The following ENPP1 variants were observed in gnomAD, a reference collection of about 807,000 sequenced individuals.
ENPP1 encodes the protein ectonucleotide pyrophosphatase/phosphodiesterase 1, also known as ectonucleotide pyrophosphatase/phosphodiesterase family member 1.
ENPP1 carries 73 observed loss-of-function variants against 122.8 expected under a neutral mutation model. The observed-to-expected ratio is 0.59, with a 90% CI of 0.49 to 0.72. ENPP1 has a LOEUF of 0.72. Among genes scored for constraint, ENPP1 ranks in the 30% least tolerant of loss-of-function variants. The pLI, the probability that ENPP1 is intolerant of heterozygous loss-of-function variation, is 0.00. For missense variants in ENPP1, 978 were observed against 1,128.1 expected, an observed-to-expected ratio of 0.87 and a Z score of 1.91; for synonymous variants, 367 against 391.6, an observed-to-expected ratio of 0.94 and a Z score of 0.74.
chr6:131,890,225 C>T lies in ENPP1; in HGVS notation c.2608-116C>T, dbSNP rs9493118. On this transcript the variant is annotated intron_variant, in intron 24 of 24. Coordinates refer to ENST00000647893, the MANE Select transcript of ENPP1 (RefSeq NM_006208.3). ...ATGATGCCTAACAAATCATGTGGCA[C>T]GTTCCACTTCAGAGCTGAAATCTCG... is the stretch of plus-strand genomic sequence containing the variant. The T allele has an allele frequency of 0.064, 52,470 of 821,140 alleles. 3,616 individuals carry two copies. Among genetic ancestry groups the T allele is most frequent in the African/African-American group, 0.29 (17,539 of 59,486 alleles). 50.9% of individuals were successfully genotyped at this position (821,140 alleles called of 1,614,324 possible). A position where few individuals can be genotyped will look rare whatever the true frequency, so the allele number is the denominator to read the frequency against.
intron 24 of ENPP1, among the ~76,000 whole-genome samples, chr6:131,888,451 G>A (rs1758978522): frequency 6.6e-6 from 1 of 152,004 alleles, no homozygotes; most frequent in Non-Finnish European, 1.5e-5. Context: ...TTTATAATCA[G>A]GTGCTCTAGG....
At chr6:131,822,698 A>G (rs79513020) in intron 1 of ENPP1, among the ~76,000 whole-genome samples, 5,092 of 151,968 alleles carry the variant, frequency 0.034, 276 homozygotes, top group African/African-American at 0.11. Context: ...TGTACTTTTC[A>G]TAAGTAGGAT....
intron 5 of ENPP1, among the ~76,000 whole-genome samples, chr6:131,853,092 C>A (rs1239346673): frequency 6.6e-6 from 1 of 152,070 alleles, no homozygotes; most frequent in Non-Finnish European, 1.5e-5. Context: ...ATAGTTTTCC[C>A]AGACTATTAA....
intron 21 of ENPP1, 76 bp from the exon 22 acceptor site, chr6:131,883,618 C>T (rs1782340234): frequency 1.2e-6 from 1 of 800,266 alleles, no homozygotes; most frequent in Non-Finnish European, 2.2e-6. Flanking sequence ...TAAAAATGCT[C>T]CCCTAACCAT....
chr6:131,850,285 A>T (rs905472572), intron 3 of ENPP1, among the ~76,000 whole-genome samples, 179 bp downstream of exon 3: 4 of 152,164 alleles, frequency 2.6e-5, no homozygotes, highest in Non-Finnish European at 1.5e-5. Context: ...AGAGAAAAAA[A>T]TTTACAGAAT....
chr6:131,847,787 A>G lies in ENPP1; in HGVS notation c.252A>G (p.Val84=), dbSNP rs1362242066. The change falls in exon 2 of 25, where the codon GTA becomes GTG. Residue 84 remains valine, a synonymous_variant. Transcript: ENST00000647893. ...TYKVLSLVLS[V]CVLTTILGCI... ...TTTTCTCCCTACAGGTATTGTCAGT[A>G]TGTGTGTTAACAACAATACTTGGTT... 1 of 1,609,138 alleles carries G rather than the reference A, an allele frequency of 6.2e-7. No homozygotes were observed. The highest frequency in any genetic ancestry group is 1.7e-5 in the Admixed American group (1 of 60,002).
intron 20 of ENPP1, among the ~76,000 whole-genome samples, chr6:131,881,086 A>C (rs1782299303): frequency 6.6e-6 from 1 of 152,188 alleles, no homozygotes; most frequent in Non-Finnish European, 1.5e-5. Flanking sequence ...AGGATGCCCT[A>C]AGGGAACGAC....
intron 11 of ENPP1, among the ~76,000 whole-genome samples, chr6:131,867,209 A>ACT (rs1396534150): frequency 2.6e-5 from 4 of 152,226 alleles, no homozygotes; most frequent in South Asian, 2.1e-4. Flanking sequence ...GTCTTGTTTC[A>ACT]TGTTACAGTG....
At chr6:131,838,184 GA>G (rs1203131529) in intron 1 of ENPP1, among the ~76,000 whole-genome samples, 2 of 152,102 alleles carry the variant, frequency 1.3e-5, no homozygotes, top group Non-Finnish European at 2.9e-5. Flanking sequence ...AAATAAGACA[GA>G]TTCACTTCAA....
Position 131,813,690 on chromosome 6 carries a change from G to A in ENPP1, c.240+5415G>A, listed in dbSNP as rs551172980. Among the ~76,000 whole-genome samples, 8 of 152,180 alleles carry A rather than the reference G, an allele frequency of 5.3e-5. No individual in the cohort carries two copies. In the South Asian group the frequency reaches 1.7e-3, roughly 32 times the overall value. On this transcript the variant is annotated intron_variant, in intron 1 of 24. Transcript: ENST00000647893. ...ACGTTTTCGCGGTCTTATTTCTATT[G>A]TAACATTAATGCTGGTCAATTGTTA...
Position 131,890,629 on chromosome 6 carries a change from C to T in ENPP1, c.*118C>T, listed in dbSNP as rs568433265. On this transcript the variant is annotated 3_prime_UTR_variant, in exon 25 of 25. Coordinates refer to ENST00000647893, the MANE Select transcript of ENPP1 (RefSeq NM_006208.3). Reference sequence around the variant, plus strand: ...TGTCGACCAGAGTTAGAACGGAGCCCTCGGTGATGCGGACATCTCAGGGAA... The same window carrying T: ...TGTCGACCAGAGTTAGAACGGAGCCTTCGGTGATGCGGACATCTCAGGGAA... 19 of 878,424 alleles carry T rather than the reference C, an allele frequency of 2.2e-5. No individual in the cohort carries two copies. Among genetic ancestry groups the T allele is most frequent in the Middle Eastern group, 6.4e-4 (2 of 3,140 alleles). The allele number at this position is 878,424 out of a possible 1,614,324, so 54.4% of individuals were successfully genotyped here. A position where few individuals can be genotyped will look rare whatever the true frequency, so the allele number is the denominator to read the frequency against.
In ENPP1 at chr6:131,880,206, G is replaced by T. The variant is rs1187597627; in HGVS notation, c.2100+172G>T. Among the ~76,000 whole-genome samples the T allele has an allele frequency of 3.3e-5, 5 of 152,292 alleles. No homozygotes were observed. In the East Asian group the frequency reaches 9.7e-4, roughly 29 times the overall value. On this transcript the variant is annotated intron_variant, in intron 20 of 24. Coordinates refer to ENST00000647893, the MANE Select transcript of ENPP1 (RefSeq NM_006208.3). Reference sequence around the variant, plus strand: ...GTTCCAGTTCAAGCTCTGCCACTGAGCAGCTGCATGACTTTGAGAACTCAG... The same window carrying T: ...GTTCCAGTTCAAGCTCTGCCACTGATCAGCTGCATGACTTTGAGAACTCAG...
At chr6:131,819,950 T>C in intron 1 of ENPP1, 1 of 564,504 alleles carries the variant, frequency 1.8e-6, no homozygotes, top group Non-Finnish European at 3.3e-6. Context: ...TTTTTTTTTT[T>C]TTTCGCATCT....
intron 1 of ENPP1, among the ~76,000 whole-genome samples, chr6:131,837,172 TTGTGTGTGTGTGTGTGTGTGTG>T (rs67550562): frequency 7.4e-6 from 1 of 135,974 alleles, no homozygotes; most frequent in Non-Finnish European, 1.6e-5. Context: ...CCTGTTGTCA[TTGTGTGTGTGTGTGTGTGTGTG>T]TGTGTGTGTG....
At chr6:131,877,273 G>A in intron 18 of ENPP1, 112 bp downstream of exon 18, 1 of 1,020,468 alleles carries the variant, frequency 9.8e-7, no homozygotes, top group Non-Finnish European at 1.5e-6. Context: ...AGTGGGGGTA[G>A]GTAAACATAT....
At chr6:131,843,457 AT>A (rs1404325215) in intron 1 of ENPP1, among the ~76,000 whole-genome samples, 1 of 152,198 alleles carries the variant, frequency 6.6e-6, no homozygotes, top group African/African-American at 2.4e-5. Context: ...AACCATGTGT[AT>A]TTTAAACCAA....
At chr6:131,880,315 G>A (rs1782285485) in intron 20 of ENPP1, among the ~76,000 whole-genome samples, 3 of 152,096 alleles carry the variant, frequency 2.0e-5, no homozygotes. Flanking sequence ...TGTAATCTCA[G>A]CACTTTGGGA....
chr6:131,836,703 G>A (rs901564682), intron 1 of ENPP1, among the ~76,000 whole-genome samples: 17 of 152,138 alleles, frequency 1.1e-4, no homozygotes, highest in African/African-American at 3.4e-4. Flanking sequence ...GTAAAAAAAT[G>A]GGTTGATGGT....
chr6:131,890,545 T>C lies in ENPP1; in HGVS notation c.*34T>C. ...TTATCCCCAAACACCATGAATCTTT[T>C]TGAGAGAACCTTATATTTTATATAG... On this transcript the variant is annotated 3_prime_UTR_variant, in exon 25 of 25. Transcript: ENST00000647893. 1.3e-6 allele frequency: 2 copies of C among 1,551,302 alleles called. No individual in the cohort carries two copies. The highest frequency in any genetic ancestry group is 1.8e-6 in the Non-Finnish European group (2 of 1,122,854).
Sources: gnomAD v4.1 joint callset for allele counts (sites outside exome capture counted in the v4.1 genomes callset) on GRCh38, gnomAD v4.1.1 for gene constraint, MANE v1.5 for transcripts, NCBI Gene and HGNC (gene_info 2026-07-23, HGNC 2026-07-21) for gene names.